AP4E1: variants seen among roughly 807,000 people sequenced by gnomAD.
AP4E1 encodes the protein AP-4 complex subunit epsilon-1.
A neutral mutation model predicts 128.2 loss-of-function variants in AP4E1; 56 were observed. That is an observed-to-expected ratio of 0.44 (90% CI 0.35 to 0.55). The LOEUF is 0.55. Ranked by LOEUF, AP4E1 falls within the 20% of genes least tolerant of loss-of-function variation. AP4E1 has a pLI of 0.00. For missense variants in AP4E1, 1,324 were observed against 1,307.7 expected (o/e 1.01, Z -0.19); for synonymous variants, 484 against 473.1 (o/e 1.02, Z -0.30).
chr15:50,993,711 T>C, intron 17 of AP4E1, 86 bp downstream of exon 17: 1 of 1,536,946 alleles, frequency 6.5e-7, no homozygotes, highest in Non-Finnish European at 8.9e-7. Flanking sequence ...CTGGCTGTCG[T>C]CTATATGTAT....
rs1008844598 is a variant in AP4E1, at chr15:50,929,041, T to C, written c.575T>C (p.Leu192Ser). 5 of 1,613,894 alleles carry C rather than the reference T, an allele frequency of 3.1e-6. No homozygotes were observed. Among genetic ancestry groups the C allele is most frequent in the Non-Finnish European group, 4.2e-6 (5 of 1,179,886 alleles). ...EIVRRKAVLA[L>S]YKFHLIAPNQ... ...GTACGAAGAAAAGCTGTTCTGGCAT[T>C]ATACAAATTCCATCTCATTGCTCCT... is the stretch of plus-strand genomic sequence containing the variant. The change falls in exon 6 of 21, where the codon TTA (leucine) becomes TCA (serine). Residue 192 changes from leucine to serine, a missense_variant. Coordinates refer to ENST00000261842, the MANE Select transcript of AP4E1 (RefSeq NM_007347.5).
chr15:50,924,194 AT>A (rs1355760756), intron 4 of AP4E1, among the ~76,000 whole-genome samples, 190 bp downstream of exon 4: 1 of 152,192 alleles, frequency 6.6e-6, no homozygotes, highest in Non-Finnish European at 1.5e-5. Flanking sequence ...AGTTGTGAAG[AT>A]TAAATGAAAT....
chr15:50,963,566 C>T (rs2064345582), intron 14 of AP4E1, among the ~76,000 whole-genome samples: 2 of 151,786 alleles, frequency 1.3e-5, no homozygotes, highest in South Asian at 2.1e-4. Flanking sequence ...TGGGAAGGGT[C>T]GGGGGGCAGG....
In AP4E1 at chr15:50,916,008, A is replaced by C. The variant is rs551299267; in HGVS notation, c.346+437A>C. 27 of 170,332 alleles carry C rather than the reference A, an allele frequency of 1.6e-4. No individual in the cohort carries two copies. In the South Asian group the frequency reaches 3.7e-3, roughly 23 times the overall value. The allele number at this position is 170,332 out of a possible 1,614,324, so 10.6% of individuals were successfully genotyped here. A position where few individuals can be genotyped will look rare whatever the true frequency, so the allele number is the denominator to read the frequency against. On this transcript the variant is annotated intron_variant, in intron 3 of 20. Transcript: ENST00000261842. The stretch of plus-strand genomic sequence containing the variant: ...AGTGGCGGGATCTCTGCTCACTGCA[A>C]CCTCTGCCTCCAGGTTCAAGTGATC...
At position 50,997,412 on chromosome 15, in the gene AP4E1, T is replaced by C; in HGVS notation, c.2433T>C (p.His811=). The change falls in exon 18 of 21, where the codon CAT becomes CAC. Residue 811 remains histidine (H), a synonymous_variant. Coordinates refer to ENST00000261842, the MANE Select transcript of AP4E1 (RefSeq NM_007347.5). The part of the protein sequence containing the change: ...EAKSGETTST[H]NMTCSSFSSL... ...AAAGTGGCGAAACAACCAGTACTCA[T>C]AATATGACCTGTTCTTCCTTTAGTT... is the stretch of plus-strand genomic sequence containing the variant. The C allele has an allele frequency of 6.2e-7, 1 of 1,613,172 alleles. No individual in the cohort carries two copies. The highest frequency in any genetic ancestry group is 8.5e-7 in the Non-Finnish European group (1 of 1,179,626).
At chr15:50,981,558 T>G (rs1451260776) in intron 15 of AP4E1, among the ~76,000 whole-genome samples, 1 of 152,230 alleles carries the variant, frequency 6.6e-6, no homozygotes, top group Non-Finnish European at 1.5e-5. Flanking sequence ...TGGAATGAGT[T>G]AAGGCTTTTG....
intron 15 of AP4E1, among the ~76,000 whole-genome samples, chr15:50,976,359 CT>C (rs2064550434): frequency 6.6e-6 from 1 of 152,032 alleles, no homozygotes; most frequent in East Asian, 1.9e-4. Context: ...CTCAATAAAA[CT>C]AAGAATAGAA....
chr15:50,982,887 T>G (rs935168623), intron 15 of AP4E1, among the ~76,000 whole-genome samples: 1 of 152,118 alleles, frequency 6.6e-6, no homozygotes, highest in Non-Finnish European at 1.5e-5. Context: ...TTTTTGTAAT[T>G]TGGGACAAAC....
At chr15:50,929,809 T>C (rs749473803) in intron 6 of AP4E1, among the ~76,000 whole-genome samples, 3 of 152,202 alleles carry the variant, frequency 2.0e-5, no homozygotes, top group Middle Eastern at 3.2e-3. Context: ...TTTAAATAAA[T>C]GTTCAATATT....
chr15:50,993,331 T>G, intron 16 of AP4E1, 39 bp from the exon 17 acceptor site: 1 of 1,610,632 alleles, frequency 6.2e-7, no homozygotes, highest in Non-Finnish European at 8.5e-7. Context: ...CTATTAGCAG[T>G]TATTTAAGTT....
intron 10 of AP4E1, 77 bp from the exon 11 acceptor site, chr15:50,947,943 C>A: frequency 1.7e-6 from 2 of 1,202,736 alleles, no homozygotes; most frequent in East Asian, 2.6e-5. Context: ...ACTGTATGGT[C>A]AACCTTTATG....
intron 10 of AP4E1, chr15:50,945,270 T>A: frequency 1.3e-6 from 1 of 783,306 alleles, no homozygotes. Context: ...TAGTGTTAAA[T>A]TTAACCCAAT....
At chr15:50,966,860 C>T (rs745664947) in intron 14 of AP4E1, among the ~76,000 whole-genome samples, 7 of 152,136 alleles carry the variant, frequency 4.6e-5, no homozygotes, top group Non-Finnish European at 8.8e-5. Flanking sequence ...TAAGTGAAAC[C>T]TTTCCAGATT....
At position 50,936,683 on chromosome 15, in the gene AP4E1, C is replaced by A. The variant is rs573222227; in HGVS notation, c.943+1986C>A. On this transcript the variant is annotated intron_variant, in intron 8 of 20. Coordinates refer to ENST00000261842, the MANE Select transcript of AP4E1 (RefSeq NM_007347.5). ...AGGCATGGTGGCTCACGCCTGTGAT[C>A]CCAGCACTTTGGGAGGCCGAGGTGG... is the stretch of plus-strand genomic sequence containing the variant. Among the ~76,000 whole-genome samples the A allele has an allele frequency of 1.3e-3, 203 of 152,282 alleles. 1 individual carries two copies. The highest frequency in any genetic ancestry group is 4.6e-3 in the African/African-American group (193 of 41,562).
At chr15:50,931,685 A>T (rs2063838392) in intron 7 of AP4E1, among the ~76,000 whole-genome samples, 1 of 152,220 alleles carries the variant, frequency 6.6e-6, no homozygotes, top group Non-Finnish European at 1.5e-5. Flanking sequence ...TAGAACATAA[A>T]TAAACATTAT....
At chr15:50,938,486 G>A (rs1218788092) in intron 8 of AP4E1, among the ~76,000 whole-genome samples, 1 of 152,126 alleles carries the variant, frequency 6.6e-6, no homozygotes, top group Non-Finnish European at 1.5e-5. Flanking sequence ...CACTAGAGTG[G>A]TGACAGAAGC....
At chr15:50,998,115 C>T (rs1341003097) in intron 18 of AP4E1, among the ~76,000 whole-genome samples, 2 of 152,166 alleles carry the variant, frequency 1.3e-5, no homozygotes, top group Non-Finnish European at 2.9e-5. Context: ...GACATCAGTT[C>T]TCTTTCTTCC....
intron 1 of AP4E1, 121 bp downstream of exon 1, chr15:50,909,049 G>C (rs1274872594): frequency 1.4e-6 from 2 of 1,465,356 alleles, no homozygotes; most frequent in Non-Finnish European, 1.8e-6. Flanking sequence ...GGGCTCAGGG[G>C]CTGCTGTGTC....
Position 50,958,511 on chromosome 15 carries a change from A to T in AP4E1, c.1568A>T (p.Tyr523Phe). 1 of 1,612,440 alleles carries T rather than the reference A, an allele frequency of 6.2e-7. No homozygotes were observed. The highest frequency in any genetic ancestry group is 8.5e-7 in the Non-Finnish European group (1 of 1,179,046). ...TTACAGGTATTAGGGGAATATTCCT[A>T]CCTCTTAGATAAGGAAACGCCAGAG... ...VMSWVLGEYSYLLDKETPEEV... is the reference protein window; with the variant it reads ...VMSWVLGEYSFLLDKETPEEV... The change falls in exon 14 of 21, where the codon TAC becomes TTC. Residue 523 changes from tyrosine to phenylalanine, a missense_variant. Physicochemically the swap from Tyr to Phe is conservative, Grantham distance 22 (BLOSUM62 3). Coordinates refer to ENST00000261842, the MANE Select transcript of AP4E1 (RefSeq NM_007347.5).
Sources: allele counts gnomAD v4.1 joint callset (sites outside exome capture counted in the v4.1 genomes callset), GRCh38; gene constraint gnomAD v4.1.1; transcripts MANE v1.5; gene names NCBI Gene and HGNC (gene_info 2026-07-23, HGNC 2026-07-21).